Variants in POM121L12 observed in about 807,000 individuals in gnomAD.
The protein encoded by POM121L12 is POM121 transmembrane nucleoporin like 12, also known as POM121-like protein 12.
For missense variants in POM121L12, 553 were observed against 409.2 expected (o/e 1.35, Z -3.03); for synonymous variants, 251 against 179.2 (o/e 1.40, Z -3.20).
rs369442772 is a variant in POM121L12 at position 53,036,511 on chromosome 7, G to A, written c.840G>A (p.Arg280=). ...ATTPSCGSCS[R]VSFALEVTQS... ...CGCCTTCCTGCGGCAGCTGCAGTAG[G>A]GTCTCCTTCGCCCTCGAGGTCACCC... Residue 280 remains arginine (R), a synonymous_variant, in exon 1 of 1, where the codon AGG becomes AGA. Coordinates refer to ENST00000408890, the MANE Select transcript of POM121L12 (RefSeq NM_182595.4). 1.2e-6 allele frequency: 2 copies of A among 1,613,668 alleles called. No individual in the cohort carries two copies. Among genetic ancestry groups the A allele is most frequent in the Non-Finnish European group, 1.7e-6 (2 of 1,179,956 alleles).
rs1454299772 is a variant in POM121L12, at chr7:53,036,679, C to A, written c.*117C>A. On this transcript the variant is annotated 3_prime_UTR_variant, in exon 1 of 1. Coordinates refer to ENST00000408890, the MANE Select transcript of POM121L12 (RefSeq NM_182595.4). The stretch of plus-strand genomic sequence containing the variant: ...GACACCACGTTATCAAACATGCAGC[C>A]CCCACACCCCTCGTCTGCCCGCCCC... 2.6e-6 allele frequency: 3 copies of A among 1,142,846 alleles called. No individual in the cohort carries two copies. Among genetic ancestry groups the A allele is most frequent in the African/African-American group, 1.6e-5 (1 of 64,084 alleles). 70.8% of individuals were successfully genotyped at this position (1,142,846 alleles called of 1,614,324 possible).
In POM121L12 at chr7:53,035,664, C is replaced by T; in HGVS notation, c.-8C>T. On this transcript the variant is annotated 5_prime_UTR_variant, in exon 1 of 1. Transcript: ENST00000408890. ...TCCAAGCGCCCAGAGGCCAACGGTCCCCCAGCCATGGGCGCTGCAGCTCCG... is the reference window on the plus strand; with the variant it reads ...TCCAAGCGCCCAGAGGCCAACGGTCTCCCAGCCATGGGCGCTGCAGCTCCG... The T allele has an allele frequency of 6.4e-7, 1 of 1,553,666 alleles. No homozygotes were observed.
rs962747377 is a variant in POM121L12, at chr7:53,035,902, C to T, written c.231C>T (p.Leu77=). ...GGCGCCCGGTGCCCAGCACCCACCT[C>T]ATCGAGGTGCGGCCCACCCAGGACC... ...QWGRPVPSTH[L]IEVRPTQDPA... Residue 77 remains leucine (L), a synonymous_variant, in exon 1 of 1, where the codon CTC becomes CTT. Coordinates refer to ENST00000408890, the MANE Select transcript of POM121L12 (RefSeq NM_182595.4). 137 of 1,613,026 alleles carry T rather than the reference C, an allele frequency of 8.5e-5. No individual in the cohort carries two copies. The highest frequency in any genetic ancestry group is 1.1e-4 in the Non-Finnish European group (132 of 1,179,804).
chr7:53,036,121 C>T lies in POM121L12; in HGVS notation c.450C>T (p.Pro150=). 6.2e-7 allele frequency: 1 copy of T among 1,611,692 alleles called. No homozygotes were observed. Among genetic ancestry groups the T allele is most frequent in the South Asian group, 1.1e-5 (1 of 91,066 alleles). Residue 150 remains proline (P), a synonymous_variant, in exon 1 of 1, where the codon CCC becomes CCT. Coordinates refer to ENST00000408890, the MANE Select transcript of POM121L12 (RefSeq NM_182595.4). ...CGCCCCCTGAGCGTCAGGAGAGCCC[C>T]TGGAGATCCCCTGGACAGAGAGCCC... ...GIAPPERQES[P]WRSPGQRARP... is the part of the protein sequence containing the mutation.
chr7:53,036,003 A>G lies in POM121L12; in HGVS notation c.332A>G (p.Asp111Gly), dbSNP rs1414900511. The change falls in exon 1 of 1, where the codon GAC becomes GGC. Residue 111 changes from aspartate (D) to glycine (G), a missense_variant. By Grantham distance (94) the Asp-to-Gly change is moderately conservative. Coordinates refer to ENST00000408890, the MANE Select transcript of POM121L12 (RefSeq NM_182595.4). ...CCCGGGGAGACCGCTCTGGGGCGAGACCTCTCCTGTGCCTGGGAGGGTTGC... is the reference window on the plus strand; with the variant it reads ...CCCGGGGAGACCGCTCTGGGGCGAGGCCTCTCCTGTGCCTGGGAGGGTTGC... ...ALPGETALGRDLSCAWEGCMK... is the reference protein window; with the variant it reads ...ALPGETALGRGLSCAWEGCMK... The G allele has an allele frequency of 1.2e-6, 2 of 1,612,582 alleles. No individual in the cohort carries two copies. Among genetic ancestry groups the G allele is most frequent in the Non-Finnish European group, 1.7e-6 (2 of 1,179,710 alleles).
chr7:53,036,694 C>T lies in POM121L12; in HGVS notation c.*132C>T. 2.0e-6 allele frequency: 2 copies of T among 976,038 alleles called. No homozygotes were observed. Among genetic ancestry groups the T allele is most frequent in the Non-Finnish European group, 3.0e-6 (2 of 663,290 alleles). The allele number at this position is 976,038 out of a possible 1,614,324, so 60.5% of individuals were successfully genotyped here. ...AACATGCAGCCCCCACACCCCTCGT[C>T]TGCCCGCCCCCAGATCTTCCCTCTG... On this transcript the variant is annotated 3_prime_UTR_variant, in exon 1 of 1. Coordinates refer to ENST00000408890, the MANE Select transcript of POM121L12 (RefSeq NM_182595.4).
rs747292340 is a variant in POM121L12 at position 53,035,983 on chromosome 7, G to T, written c.312G>T (p.Gly104=). Residue 104 remains glycine (G), a synonymous_variant, in exon 1 of 1, where the codon GGG becomes GGT. Transcript: ENST00000408890. ...SEGWRRPALP[G]ETALGRDLSC... is the part of the protein sequence containing the mutation. ...GCTGGAGGCGCCCTGCCCTTCCCGGGGAGACCGCTCTGGGGCGAGACCTCT... is the reference window on the plus strand; with the variant it reads ...GCTGGAGGCGCCCTGCCCTTCCCGGTGAGACCGCTCTGGGGCGAGACCTCT... 1.2e-6 allele frequency: 2 copies of T among 1,612,794 alleles called. No homozygotes were observed. The highest frequency in any genetic ancestry group is 1.1e-5 in the South Asian group (1 of 91,072).
chr7:53,036,751 C>A lies in POM121L12; in HGVS notation c.*189C>A. The A allele has an allele frequency of 1.6e-6, 1 of 634,368 alleles. No homozygotes were observed. The highest frequency in any genetic ancestry group is 2.7e-6 in the Non-Finnish European group (1 of 368,068). The allele number at this position is 634,368 out of a possible 1,614,324, so 39.3% of individuals were successfully genotyped here. A position where few individuals can be genotyped will look rare whatever the true frequency, so the allele number is the denominator to read the frequency against. On this transcript the variant is annotated 3_prime_UTR_variant, in exon 1 of 1. Coordinates refer to ENST00000408890, the MANE Select transcript of POM121L12 (RefSeq NM_182595.4). ...CTGCCACCCCAGCAGCTGTTGATTT[C>A]AGAACCCTTGCCTTCGCCCTGCTGG...
chr7:53,036,302 C>A lies in POM121L12; in HGVS notation c.631C>A (p.Gln211Lys). The change falls in exon 1 of 1, where the codon CAG becomes AAG. Residue 211 changes from glutamine to lysine, a missense_variant. Coordinates refer to ENST00000408890, the MANE Select transcript of POM121L12 (RefSeq NM_182595.4). Reference sequence around the variant, plus strand: ...CAGCAAGGGTGGCAGGCGGAACCTGCAGCCCCGGCCCTCTGCCTTCAAGCC... The same window carrying A: ...CAGCAAGGGTGGCAGGCGGAACCTGAAGCCCCGGCCCTCTGCCTTCAAGCC... ...SDSKGGRRNLQPRPSAFKPLS... is the reference protein window; with the variant it reads ...SDSKGGRRNLKPRPSAFKPLS... 6.2e-7 allele frequency: 1 copy of A among 1,614,130 alleles called. No individual in the cohort carries two copies. Among genetic ancestry groups the A allele is most frequent in the Non-Finnish European group, 8.5e-7 (1 of 1,180,020 alleles).
In POM121L12 at chr7:53,036,213, C is replaced by A. The variant is rs775319102; in HGVS notation, c.542C>A (p.Ala181Glu). The A allele has an allele frequency of 1.2e-6, 2 of 1,612,994 alleles. No homozygotes were observed. Among genetic ancestry groups the A allele is most frequent in the South Asian group, 2.2e-5 (2 of 91,068 alleles). The change falls in exon 1 of 1, where the codon GCG becomes GAG. Residue 181 changes from alanine to glutamate, a missense_variant. Coordinates refer to ENST00000408890, the MANE Select transcript of POM121L12 (RefSeq NM_182595.4). ...TGCACCCGGGAGACTCTGCTGGGGG[C>A]GCTCAGCCAGTGCCCCAAGGGAAGC... is the stretch of plus-strand genomic sequence containing the variant. ...DPCTRETLLG[A>E]LSQCPKGSAR... is the part of the protein sequence containing the mutation.
chr7:53,035,673 T>TG, the POM121L12 span: 1 of 1,568,892 alleles, frequency 6.4e-7, no homozygotes, highest in Non-Finnish European at 8.6e-7. Context: ...CCCCCAGCCA[T>TG]GGGCGCTGCA....
rs754305978 is a variant in POM121L12 at position 53,035,849 on chromosome 7, C to G, written c.178C>G (p.Gln60Glu). 1 of 1,613,644 alleles carries G rather than the reference C, an allele frequency of 6.2e-7. No individual in the cohort carries two copies. The highest frequency in any genetic ancestry group is 2.2e-5 in the East Asian group (1 of 44,794). Reference protein sequence around the residue: ...QSPWPLRSLTQSHIQYFQWGR... With the variant: ...QSPWPLRSLTESHIQYFQWGR... ...TCCCTGGCCCCTGAGGTCCCTGACTCAGAGCCATATTCAGTACTTCCAGTG... is the reference window on the plus strand; with the variant it reads ...TCCCTGGCCCCTGAGGTCCCTGACTGAGAGCCATATTCAGTACTTCCAGTG... The change falls in exon 1 of 1, where the codon CAG (glutamine) becomes GAG (glutamate). Residue 60 changes from glutamine to glutamate, a missense_variant. Physicochemically the swap from Gln to Glu is conservative, Grantham distance 29. Transcript: ENST00000408890.
In POM121L12 at chr7:53,036,223, G is replaced by A; in HGVS notation, c.552G>A (p.Gln184=). 1 of 1,613,634 alleles carries A rather than the reference G, an allele frequency of 6.2e-7. No individual in the cohort carries two copies. Among genetic ancestry groups the A allele is most frequent in the Non-Finnish European group, 8.5e-7 (1 of 1,179,870 alleles). ...TRETLLGALS[Q]CPKGSARFDG... ...AGACTCTGCTGGGGGCGCTCAGCCA[G>A]TGCCCCAAGGGAAGCGCTAGGTTCG... Residue 184 remains glutamine, a synonymous_variant, in exon 1 of 1, where the codon CAG becomes CAA. Transcript: ENST00000408890.
rs1206178595 is a variant in POM121L12, at chr7:53,036,082, G to T, written c.411G>T (p.Val137=). Residue 137 remains valine, a synonymous_variant, in exon 1 of 1, where the codon GTG becomes GTT. Transcript: ENST00000408890. ...ACCCAGGACGGACCTGGAGCCCGGT[G>T]ACCATCGGGATCGCGCCCCCTGAGC... The part of the protein sequence containing the change: ...AWNPGRTWSP[V]TIGIAPPERQ... 1 of 1,612,596 alleles carries T rather than the reference G, an allele frequency of 6.2e-7. No homozygotes were observed. The highest frequency in any genetic ancestry group is 1.3e-5 in the African/African-American group (1 of 74,866).
rs763947253 is a variant in POM121L12, at chr7:53,035,724, C to T, written c.53C>T (p.Ala18Val). Residue 18 changes from alanine to valine, a missense_variant, in exon 1 of 1, where the codon GCG becomes GTG. Ala to Val is a moderately conservative substitution (Grantham distance 64, BLOSUM62 0). Transcript: ENST00000408890. Reference sequence around the variant, plus strand: ...GCAGACCTCGGGAACTTCTGGAAGGCGGGAGAACCCCTGCTGCAAGGCCCC... The same window carrying T: ...GCAGACCTCGGGAACTTCTGGAAGGTGGGAGAACCCCTGCTGCAAGGCCCC... ...ESADLGNFWK[A>V]GEPLLQGPDA... 55 of 1,611,100 alleles carry T rather than the reference C, an allele frequency of 3.4e-5. No individual in the cohort carries two copies. Among genetic ancestry groups the T allele is most frequent in the Admixed American group, 6.7e-5 (4 of 59,626 alleles).
At position 53,036,853 on chromosome 7, in the gene POM121L12, C is replaced by T. The variant is rs1418880689; in HGVS notation, c.*291C>T. ...GGGAAGGCTTGCTTTTTCTCCATGT[C>T]TCCCAGTTTGTATAGTTAAATTGTC... is the stretch of plus-strand genomic sequence containing the variant. On this transcript the variant is annotated 3_prime_UTR_variant, in exon 1 of 1. Coordinates refer to ENST00000408890, the MANE Select transcript of POM121L12 (RefSeq NM_182595.4). 9 of 422,714 alleles carry T rather than the reference C, an allele frequency of 2.1e-5. No individual in the cohort carries two copies. The East Asian group carries it at 3.4e-4, about 16-fold the overall frequency. The allele number at this position is 422,714 out of a possible 1,614,324, so 26.2% of individuals were successfully genotyped here.
Position 53,036,433 on chromosome 7 carries a change from C to T in POM121L12, c.762C>T (p.Ser254=), listed in dbSNP as rs565805558. The T allele has an allele frequency of 3.6e-5, 58 of 1,613,760 alleles. 1 individual carries two copies. The South Asian group carries it at 5.3e-4, about 15-fold the overall frequency. Residue 254 remains serine, a synonymous_variant, in exon 1 of 1, where the codon TCC becomes TCT. Transcript: ENST00000408890. The part of the protein sequence containing the change: ...SLSFCDDAWP[S]VLVQPAPSAI... ...GTTTTTGTGATGATGCTTGGCCTTC[C>T]GTGCTGGTCCAGCCCGCCCCATCCG...
In POM121L12 at chr7:53,036,449, G is replaced by C. The variant is rs202031574; in HGVS notation, c.778G>C (p.Ala260Pro). Residue 260 changes from alanine to proline, a missense_variant, in exon 1 of 1, where the codon GCC (alanine) becomes CCC (proline). Physicochemically the swap from Ala to Pro is conservative, Grantham distance 27. Transcript: ENST00000408890. ...TTGGCCTTCCGTGCTGGTCCAGCCC[G>C]CCCCATCCGCCATCTGGGACTTCTG... ...DAWPSVLVQP[A>P]PSAIWDFWEA... 154 of 1,613,696 alleles carry C rather than the reference G, an allele frequency of 9.5e-5. No homozygotes were observed. The African/African-American group carries it at 1.9e-3, about 20-fold the overall frequency.
rs2116355971 is a variant in POM121L12 at position 53,036,181 on chromosome 7, G to A, written c.510G>A (p.Leu170=). ...PAGRPAAQEL[L]DPCTRETLLG... ...GCCGCCCCGCCGCCCAGGAGCTCCT[G>A]GACCCCTGCACCCGGGAGACTCTGC... Residue 170 remains leucine (L), a synonymous_variant, in exon 1 of 1, where the codon CTG becomes CTA. Transcript: ENST00000408890. 1 of 1,610,564 alleles carries A rather than the reference G, an allele frequency of 6.2e-7. No individual in the cohort carries two copies. Among genetic ancestry groups the A allele is most frequent in the Non-Finnish European group, 8.5e-7 (1 of 1,179,422 alleles).
Sources: allele counts gnomAD v4.1 joint callset, GRCh38; gene constraint gnomAD v4.1.1; transcripts MANE v1.5; gene names NCBI Gene and HGNC (gene_info 2026-07-23, HGNC 2026-07-21).